The following POLRMT variants were observed in gnomAD, a reference collection of about 807,000 sequenced individuals.
The protein encoded by POLRMT is RNA polymerase mitochondrial.
A neutral mutation model predicts 132.2 loss-of-function variants in POLRMT; 114 were observed. The ratio of observed to expected loss-of-function variants is 0.86; its 90% confidence interval spans 0.74 to 1.01. The LOEUF (loss-of-function observed/expected upper bound fraction) is 1.01, where lower values mean the gene tolerates loss of function less well. Ranked by LOEUF, POLRMT falls within the 50% of genes least tolerant of loss-of-function variation. The pLI, the probability that POLRMT is intolerant of heterozygous loss-of-function variation, is 0.00. For missense variants in POLRMT, 2,003 were observed against 1,729.1 expected (o/e 1.16, Z -2.81); for synonymous variants, 1,020 against 773.4 (o/e 1.32, Z -5.29).
Position 617,446 on chromosome 19 carries a change from C to A in POLRMT, c.3616G>T (p.Glu1206Ter). 1 of 1,612,154 alleles carries A rather than the reference C, an allele frequency of 6.2e-7. No homozygotes were observed. Among genetic ancestry groups the A allele is most frequent in the Non-Finnish European group, 8.5e-7 (1 of 1,179,852 alleles). Residue 1206 changes from glutamate to a stop codon, truncating the protein, a stop_gained, in exon 20 of 21, where the codon GAG becomes TAG. Transcript: ENST00000588649. LOFTEE classifies it high-confidence loss of function. The part of the protein sequence containing the change: ...QKILEASQLK[E>*]TLQAVPKPGA... ...GGCTTGGGCACCGCCTGCAGTGTCT[C>A]CTTCAGCTGGCTGGCCTCCAAGATC...
intron 3 of POLRMT, 173 bp from the exon 4 acceptor site, chr19:625,427 C>T (rs1984956637): frequency 3.7e-6 from 3 of 820,230 alleles, no homozygotes; most frequent in South Asian, 2.1e-5. Context: ...GACACACAAG[C>T]TCCACCTGCA....
rs565088113 is a variant in POLRMT, at chr19:621,472, G to A, written c.2226C>T (p.Pro742=). 6.6e-5 allele frequency: 91 copies of A among 1,368,436 alleles called. No individual in the cohort carries two copies. In the African/African-American group the frequency reaches 1.1e-3, roughly 17 times the overall value. The allele number at this position is 1,368,436 out of a possible 1,614,324, so 84.8% of individuals were successfully genotyped here. A position where few individuals can be genotyped will look rare whatever the true frequency, so the allele number is the denominator to read the frequency against. Residue 742 remains proline, a synonymous_variant, in exon 10 of 21, where the codon CCC becomes CCT. Coordinates refer to ENST00000588649, the MANE Select transcript of POLRMT (RefSeq NM_005035.4). ...PAPPSEAPQP[P]EAHLPHSAAP... is the part of the protein sequence containing the mutation. ...CGGCGCTGTGCGGCAGGTGGGCCTCGGGCGGCTGGGGCGCCTCGGAGGGCG... is the reference window on the plus strand; with the variant it reads ...CGGCGCTGTGCGGCAGGTGGGCCTCAGGCGGCTGGGGCGCCTCGGAGGGCG...
intron 13 of POLRMT, 83 bp from the exon 14 acceptor site, chr19:619,379 GC>G: frequency 6.7e-7 from 1 of 1,494,894 alleles, no homozygotes. Context: ...AGCCACTGAG[GC>G]CCAAGGCCTA....
chr19:633,016 C>G, intron 1 of POLRMT, 78 bp from the exon 2 acceptor site: 1 of 1,045,516 alleles, frequency 9.6e-7, no homozygotes, highest in Admixed American at 3.3e-5. Context: ...GCCGAAGGGT[C>G]GAAGGGCAAA....
In POLRMT at chr19:617,861, C is replaced by A. The variant is rs200249697; in HGVS notation, c.3423-12G>T. On this transcript the variant is annotated splice_polypyrimidine_tract_variant and intron_variant, in intron 17 of 20. Coordinates refer to ENST00000588649, the MANE Select transcript of POLRMT (RefSeq NM_005035.4). Reference sequence around the variant, plus strand: ...AGGTCAGGCCCTTCCTGTGGCAGAGCGGAGGACTCCTGAAGGGAGGGGAGC... The same window carrying A: ...AGGTCAGGCCCTTCCTGTGGCAGAGAGGAGGACTCCTGAAGGGAGGGGAGC... The A allele has an allele frequency of 1.9e-6, 3 of 1,612,612 alleles. No individual in the cohort carries two copies. The highest frequency in any genetic ancestry group is 2.5e-6 in the Non-Finnish European group (3 of 1,179,602).
At chr19:619,531 G>A (rs537754939) in intron 13 of POLRMT, 55 bp downstream of exon 13, 2 of 1,599,846 alleles carry the variant, frequency 1.3e-6, no homozygotes, top group South Asian at 1.1e-5. Context: ...ACACCCGTCT[G>A]AGTTTTAAAT....
chr19:618,338 T>C, intron 17 of POLRMT, 150 bp downstream of exon 17: 1 of 643,290 alleles, frequency 1.6e-6, no homozygotes, highest in East Asian at 2.8e-5. Flanking sequence ...GCACACAGCC[T>C]CAGGGCCTCT....
At position 620,895 on chromosome 19, in the gene POLRMT, GGAGGGGGAGGGGAGGAGGAA is replaced by G. The variant is rs1984491335; in HGVS notation, c.2640+143_2640+162del. On this transcript the variant is annotated intron_variant, in intron 10 of 20. Transcript: ENST00000588649. Reference sequence around the variant, plus strand: ...GGGCGGGGGACGTGGGGGCGCCAGGGGAGGGGGAGGGGAGGAGGAAGACGGGCAGGGGGCGCCAGGGGAGG... The same window carrying G: ...GGGCGGGGGACGTGGGGGCGCCAGGGGACGGGCAGGGGGCGCCAGGGGAGG... 1.8e-4 allele frequency among the ~76,000 whole-genome samples: 8 copies of G among 43,968 alleles called. No individual in the cohort carries two copies. In the South Asian group the frequency reaches 6.3e-3, roughly 35 times the overall value. 28.8% of individuals were successfully genotyped at this position (43,968 alleles called of 152,430 possible).
In POLRMT at chr19:621,159, T is replaced by C; in HGVS notation, c.2539A>G (p.Asn847Asp). The change falls in exon 10 of 21, where the codon AAT (asparagine) becomes GAT (aspartate). Residue 847 changes from asparagine (N) to aspartate (D), a missense_variant. Transcript: ENST00000588649. ...GLDWLKIHLV[N>D]LTGLKKREPL... is the part of the protein sequence containing the mutation. ...TCCCGCTTCTTCAACCCCGTGAGAT[T>C]GACCAGGTGGATCTTGAGCCAATCC... 2 of 1,610,852 alleles carry C rather than the reference T, an allele frequency of 1.2e-6. No individual in the cohort carries two copies. The highest frequency in any genetic ancestry group is 1.7e-6 in the Non-Finnish European group (2 of 1,178,686).
At position 617,307 on chromosome 19, in the gene POLRMT, C is replaced by T. The variant is rs1448767988; in HGVS notation, c.3660G>A (p.Glu1220=). 1.1e-5 allele frequency: 18 copies of T among 1,612,826 alleles called. No homozygotes were observed. Among genetic ancestry groups the T allele is most frequent in the Non-Finnish European group, 1.4e-5 (17 of 1,179,908 alleles). ...AGAAGTAGGTGGAACGCTTCACCTG[C>T]TCCAGGTCGAAGGCCCCTGCGGAGG... ...AVPKPGAFDL[E]QVKRSTYFFS The change falls in exon 21 of 21, where the codon GAG becomes GAA. Residue 1220 remains glutamate, a synonymous_variant. Transcript: ENST00000588649.
Position 617,293 on chromosome 19 carries a change from G to T in POLRMT, c.3674C>A (p.Ser1225Tyr), listed in dbSNP as rs757914473. ...GAFDLEQVKR[S>Y]TYFFS ...GGGGTGTCAGCTGAAGAAGTAGGTG[G>T]AACGCTTCACCTGCTCCAGGTCGAA... The change falls in exon 21 of 21, where the codon TCC (serine) becomes TAC (tyrosine). Residue 1225 changes from serine (S) to tyrosine (Y), a missense_variant. Ser to Tyr is a moderately radical substitution (Grantham distance 144, BLOSUM62 -2). Transcript: ENST00000588649. 2 of 1,612,872 alleles carry T rather than the reference G, an allele frequency of 1.2e-6. No homozygotes were observed. The highest frequency in any genetic ancestry group is 2.2e-5 in the South Asian group (2 of 91,070).
chr19:629,528 G>A lies in POLRMT; in HGVS notation c.822+12C>T, dbSNP rs201151333. ...GACCAGGGCAGGTGGCCCGGCTCCC[G>A]GCTGCACTCACCTGCCGCGCCCAGC... On this transcript the variant is annotated intron_variant, in intron 3 of 20. Coordinates refer to ENST00000588649, the MANE Select transcript of POLRMT (RefSeq NM_005035.4). The A allele has an allele frequency of 9.6e-4, 1,444 of 1,508,936 alleles. 1 individual carries two copies. Among genetic ancestry groups the A allele is most frequent in the Non-Finnish European group, 1.2e-3 (1,348 of 1,129,640 alleles). 93.5% of individuals were successfully genotyped at this position (1,508,936 alleles called of 1,614,324 possible). A position where few individuals can be genotyped will look rare whatever the true frequency, so the allele number is the denominator to read the frequency against.
rs557066405 is a variant in POLRMT at position 627,709 on chromosome 19, G to A, written c.822+1831C>T. Among the ~76,000 whole-genome samples, 507 of 150,206 alleles carry A rather than the reference G, an allele frequency of 3.4e-3. 7 individuals carry two copies. Among genetic ancestry groups the A allele is most frequent in the African/African-American group, 0.012 (478 of 41,050 alleles). On this transcript the variant is annotated intron_variant, in intron 3 of 20. Transcript: ENST00000588649. ...GGAGGCTGAGGCGGGCGGATTACCT[G>A]AGGTCAGGAGTTTGAGACCAGCCCG...
Position 618,936 on chromosome 19 carries a change from A to G in POLRMT, c.3267+61T>C, listed in dbSNP as rs541889572. On this transcript the variant is annotated intron_variant, in intron 15 of 20. Transcript: ENST00000588649. The stretch of plus-strand genomic sequence containing the variant: ...TGGTGGTACGCTGGGGCACTGGTAC[A>G]CTGGGACGCTGTTACACTGGGATGG... The G allele has an allele frequency of 1.2e-4, 168 of 1,419,684 alleles. No homozygotes were observed. In the African/African-American group the frequency reaches 2.2e-3, roughly 18 times the overall value. The allele number at this position is 1,419,684 out of a possible 1,614,324, so 87.9% of individuals were successfully genotyped here.
Position 620,476 on chromosome 19 carries a change from C to A in POLRMT, c.2652G>T (p.Trp884Cys), listed in dbSNP as rs1407479611. ...SADQPLTGRK[W>C]WMGAEEPWQT... The stretch of plus-strand genomic sequence containing the variant: ...GCCAGGGTTCCTCCGCGCCCATCCA[C>A]CACTTTCGGCCCTGCGGGGACAGCG... Residue 884 changes from tryptophan to cysteine, a missense_variant, in exon 11 of 21, where the codon TGG becomes TGT. By Grantham distance (215) the Trp-to-Cys change is radical (BLOSUM62 -2). Transcript: ENST00000588649. 1 of 1,592,224 alleles carries A rather than the reference C, an allele frequency of 6.3e-7. No homozygotes were observed. Among genetic ancestry groups the A allele is most frequent in the African/African-American group, 1.3e-5 (1 of 74,526 alleles).
intron 10 of POLRMT, 87 bp from the exon 11 acceptor site, chr19:620,574 G>A (rs1339168547): frequency 1.3e-5 from 18 of 1,421,304 alleles, no homozygotes; most frequent in East Asian, 1.0e-4. Flanking sequence ...GGTGGGAAAT[G>A]GGGAGGAGAC....
At chr19:630,727 C>G (rs1260905923) in intron 2 of POLRMT, among the ~76,000 whole-genome samples, 1 of 152,198 alleles carries the variant, frequency 6.6e-6, no homozygotes, top group Non-Finnish European at 1.5e-5. Flanking sequence ...TCCTAGGCTC[C>G]CAGTGTCTAC....
At chr19:624,233 G>T (rs2144646980) in intron 5 of POLRMT, among the ~76,000 whole-genome samples, 1 of 152,294 alleles carries the variant, frequency 6.6e-6, no homozygotes, top group Admixed American at 6.5e-5. Flanking sequence ...GCAGTGTGTG[G>T]TCCCATTTCT....
At chr19:621,994 C>A (rs1207862172) in intron 9 of POLRMT, 148 bp from the exon 10 acceptor site, 1 of 1,185,234 alleles carries the variant, frequency 8.4e-7, no homozygotes, top group African/African-American at 1.5e-5. Context: ...CAGAAACGGC[C>A]GGACACCTGC....
Sources: gnomAD v4.1 joint callset for allele counts (sites outside exome capture counted in the v4.1 genomes callset) on GRCh38, gnomAD v4.1.1 for gene constraint, MANE v1.5 for transcripts, NCBI Gene and HGNC (gene_info 2026-07-23, HGNC 2026-07-21) for gene names.